Variants in OR52N4 observed in about 807,000 individuals in gnomAD.
The protein encoded by OR52N4 is olfactory receptor family 52 subfamily N member 4.
Under a neutral mutation model 15.0 loss-of-function variants are expected in OR52N4, and 15 were observed. The observed-to-expected ratio is 1.00, with a 90% CI of 0.67 to 1.54. The LOEUF (loss-of-function observed/expected upper bound fraction) is 1.54, where lower values mean the gene tolerates loss of function less well. Among genes scored for constraint, OR52N4 ranks in the 40% most tolerant of loss-of-function variants. The pLI, the probability that OR52N4 is intolerant of heterozygous loss-of-function variation, is 0.00. For synonymous variants in OR52N4, 143 were observed against 143.7 expected (o/e 1.00, Z 0.03); for missense variants, 421 against 394.0 (o/e 1.07, Z -0.58).
At chr11:5,744,192 C>G in the OR52N4 span, among the ~76,000 whole-genome samples, 1 of 152,108 alleles carries the variant, frequency 6.6e-6, no homozygotes. Context: ...AAATACTGAC[C>G]AGACCAATAA....
chr11:5,736,552 T>A, the OR52N4 span: 1 of 1,613,804 alleles, frequency 6.2e-7, no homozygotes, highest in Non-Finnish European at 8.5e-7. Context: ...AAATCTCCAA[T>A]AGCTCCAAAT....
At chr11:5,747,072 A>C in the OR52N4 span, among the ~76,000 whole-genome samples, 1 of 138,592 alleles carries the variant, frequency 7.2e-6, no homozygotes, top group African/African-American at 2.7e-5. Flanking sequence ...CTGTAGTAAA[A>C]ATACCAAAAA....
At chr11:5,744,436 G>T in the OR52N4 span, among the ~76,000 whole-genome samples, 2 of 152,140 alleles carry the variant, frequency 1.3e-5, no homozygotes, top group African/African-American at 4.8e-5. Flanking sequence ...TTCCTGATGA[G>T]AATTGATACA....
At chr11:5,737,206 T>C in the OR52N4 span, 3 of 1,614,084 alleles carry the variant, frequency 1.9e-6, no homozygotes, top group Non-Finnish European at 2.5e-6. Context: ...ATATTTTGAT[T>C]CTGTACTCTG....
chr11:5,748,223 A>G, the OR52N4 span, among the ~76,000 whole-genome samples: 120,142 of 151,704 alleles, frequency 0.79, 48,177 homozygotes, highest in Non-Finnish European at 0.86. Flanking sequence ...GTTAATGCAT[A>G]GCAATACATA....
chr11:5,737,714 C>T, the OR52N4 span: 5 of 415,340 alleles, frequency 1.2e-5, no homozygotes, highest in East Asian at 1.5e-4. Context: ...GAAATTTCTG[C>T]CAAATCAAAT....
the OR52N4 span, among the ~76,000 whole-genome samples, chr11:5,741,395 T>C: frequency 6.6e-6 from 1 of 152,354 alleles, no homozygotes; most frequent in Non-Finnish European, 1.5e-5. Flanking sequence ...CAGTGACTCT[T>C]AGAAGCCTGG....
the OR52N4 span, among the ~76,000 whole-genome samples, chr11:5,731,730 A>C: frequency 1.3e-5 from 2 of 152,104 alleles, no homozygotes; most frequent in Non-Finnish European, 2.9e-5. Flanking sequence ...AGTGGCTCTC[A>C]TCACCCCTCC....
At chr11:5,738,253 G>A in the OR52N4 span, 1 of 152,186 alleles carries the variant, frequency 6.6e-6, no homozygotes, top group Non-Finnish European at 1.5e-5. Flanking sequence ...GACAGCATTT[G>A]GGCTATTTAT....
chr11:5,742,071 G>A, the OR52N4 span, among the ~76,000 whole-genome samples: 18 of 151,712 alleles, frequency 1.2e-4, no homozygotes, highest in African/African-American at 1.5e-4. Context: ...GACTGAAGTC[G>A]GGTTTTTAAA....
chr11:5,755,114 A>C lies in OR52N4; in HGVS notation c.374A>C (p.Tyr125Ser). Residue 125 changes from tyrosine to serine, a missense_variant, in exon 2 of 2, where the codon TAT becomes TCT. Physicochemically the swap from Tyr to Ser is moderately radical, Grantham distance 144. Transcript: ENST00000641350. ...CTTATGCTTATGGCCCTGGATCGCT[A>C]TGTGGCCATCTGCTACCCCTTACGC... ...GVLMLMALDR[Y>S]VAICYPLRYS... 6.2e-7 allele frequency: 1 copy of C among 1,614,002 alleles called. No homozygotes were observed. Among genetic ancestry groups the C allele is most frequent in the Non-Finnish European group, 8.5e-7 (1 of 1,179,976 alleles).
At chr11:5,733,264 T>A in the OR52N4 span, among the ~76,000 whole-genome samples, 69 of 152,284 alleles carry the variant, frequency 4.5e-4, 1 homozygote, top group East Asian at 0.013. Flanking sequence ...ACCTCCCATG[T>A]TCCACCACAC....
chr11:5,736,588 G>A, the OR52N4 span: 3 of 1,613,968 alleles, frequency 1.9e-6, no homozygotes, highest in Non-Finnish European at 2.5e-6. Flanking sequence ...TCATCCTGCT[G>A]GGATTCCCGG....
the OR52N4 span, among the ~76,000 whole-genome samples, chr11:5,741,621 C>A: frequency 7.2e-5 from 11 of 152,116 alleles, no homozygotes; most frequent in Non-Finnish European, 1.5e-4. Flanking sequence ...AGTGGGGGCA[C>A]CAGTATTACT....
At chr11:5,727,618 G>A in the OR52N4 span, among the ~76,000 whole-genome samples, 1 of 152,148 alleles carries the variant, frequency 6.6e-6, no homozygotes, top group Non-Finnish European at 1.5e-5. Context: ...CACAGAGAAG[G>A]GCATTCTTTC....
the OR52N4 span, among the ~76,000 whole-genome samples, chr11:5,749,042 TA>T: frequency 1.3e-5 from 2 of 151,956 alleles, no homozygotes; most frequent in Non-Finnish European, 2.9e-5. Flanking sequence ...TTGGGACACA[TA>T]ACATGTATTT....
chr11:5,736,920 T>C, the OR52N4 span: 1 of 1,614,046 alleles, frequency 6.2e-7, no homozygotes, highest in Non-Finnish European at 8.5e-7. Context: ...TATGTGGCTA[T>C]TTGTCACCCT....
In OR52N4 at chr11:5,755,779, A is replaced by C; in HGVS notation, c.*73A>C. On this transcript the variant is annotated 3_prime_UTR_variant, in exon 2 of 2. Coordinates refer to ENST00000641350, the MANE Select transcript of OR52N4 (RefSeq NM_001005175.5). ...TTGCCTCTTATGCAGGAGTTCATAA[A>C]ATCTTTCTGGAAGCACTGTATTGAT... 6.5e-7 allele frequency: 1 copy of C among 1,529,842 alleles called. No homozygotes were observed. Among genetic ancestry groups the C allele is most frequent in the Non-Finnish European group, 8.8e-7 (1 of 1,139,210 alleles). 94.8% of individuals were successfully genotyped at this position (1,529,842 alleles called of 1,614,324 possible).
At chr11:5,746,692 G>T in the OR52N4 span, among the ~76,000 whole-genome samples, 1 of 152,112 alleles carries the variant, frequency 6.6e-6, no homozygotes, top group Non-Finnish European at 1.5e-5. Flanking sequence ...TATATACTGT[G>T]AGCGGGAATG....
Sources: allele counts gnomAD v4.1 joint callset (sites outside exome capture counted in the v4.1 genomes callset), GRCh38; gene constraint gnomAD v4.1.1; transcripts MANE v1.5; gene names NCBI Gene and HGNC (gene_info 2026-07-23, HGNC 2026-07-21).